CCDC171: variants seen among roughly 807,000 people sequenced by gnomAD.
CCDC171 encodes the protein coiled-coil domain-containing protein 171.
Under a neutral mutation model 168.2 loss-of-function variants are expected in CCDC171, and 177 were observed. That is an observed-to-expected ratio of 1.05 (90% CI 0.93 to 1.19). The LOEUF (loss-of-function observed/expected upper bound fraction) is 1.19, where lower values mean the gene tolerates loss of function less well. CCDC171 is among the 50% of genes most tolerant of loss of function. The pLI, the probability that CCDC171 is intolerant of heterozygous loss-of-function variation, is 0.00. For missense variants in CCDC171, 1,991 were observed against 1,539.0 expected (o/e 1.29, Z -4.91); for synonymous variants, 687 against 540.8 (o/e 1.27, Z -3.75).
At chr9:15,732,359 G>A (rs1266656544) in intron 16 of CCDC171, among the ~76,000 whole-genome samples, 1 of 152,064 alleles carries the variant, frequency 6.6e-6, no homozygotes, top group East Asian at 1.9e-4. Context: ...TTTTGTGTGT[G>A]CTGTTAGGAA....
chr9:15,573,318 C>G (rs1280749419), intron 3 of CCDC171, among the ~76,000 whole-genome samples: 4 of 152,030 alleles, frequency 2.6e-5, no homozygotes, highest in African/African-American at 9.7e-5. Context: ...CTCTGTCACC[C>G]AGGCTGGAGT....
chr9:15,872,003 C>T (rs905625979), intron 23 of CCDC171, among the ~76,000 whole-genome samples: 1 of 151,266 alleles, frequency 6.6e-6, no homozygotes, highest in Non-Finnish European at 1.5e-5. Flanking sequence ...TACTTACTCT[C>T]AAAGTTCTCG....
At chr9:15,992,398 T>C (rs979281596) in intron 3 of CCDC171, among the ~76,000 whole-genome samples, 5 of 152,210 alleles carry the variant, frequency 3.3e-5, no homozygotes, top group Non-Finnish European at 7.3e-5. Flanking sequence ...CAACAGCTCT[T>C]CATGCTAAAA....
At chr9:16,092,323 G>A in the CCDC171 span, among the ~76,000 whole-genome samples, 2 of 152,174 alleles carry the variant, frequency 1.3e-5, no homozygotes, top group African/African-American at 2.4e-5. Flanking sequence ...AAGCTTGTTC[G>A]AAATGCAGAT....
In CCDC171 at chr9:16,056,842, C is replaced by A. The variant is rs182582144; in HGVS notation, n.90-3804C>A. On this transcript the variant is annotated intron_variant and non_coding_transcript_variant, in intron 1 of 1. Coordinates refer to the CCDC171 transcript ENST00000478913. The stretch of plus-strand genomic sequence containing the variant: ...TAATATAAGAGAAGATGAATTATAT[C>A]TCATTAAAGCTGTTAAAGCAATATA... 7.5e-4 allele frequency among the ~76,000 whole-genome samples: 114 copies of A among 152,172 alleles called. 1 individual carries two copies. The highest frequency in any genetic ancestry group is 2.7e-3 in the African/African-American group (110 of 41,488).
chr9:15,688,395 C>G (rs1048829910), intron 10 of CCDC171, among the ~76,000 whole-genome samples: 4 of 151,986 alleles, frequency 2.6e-5, no homozygotes, highest in Admixed American at 6.6e-5. Flanking sequence ...TACCTTGATA[C>G]AAAAACCAAA....
chr9:15,941,153 A>G (rs767295576), intron 25 of CCDC171, among the ~76,000 whole-genome samples: 30 of 152,132 alleles, frequency 2.0e-4, no homozygotes, highest in Admixed American at 3.9e-4. Flanking sequence ...GATTCAGATC[A>G]TTAACAACAG....
At chr9:16,027,489 T>C (rs1435746370) in intron 6 of CCDC171, among the ~76,000 whole-genome samples, 1 of 152,308 alleles carries the variant, frequency 6.6e-6, no homozygotes, top group Admixed American at 6.5e-5. Context: ...ATTCACCTGA[T>C]GCAAACTTTT....
chr9:15,853,181 A>G (rs1470764156), intron 23 of CCDC171, among the ~76,000 whole-genome samples: 2 of 151,610 alleles, frequency 1.3e-5, no homozygotes, highest in South Asian at 4.1e-4. Context: ...TGTCATCTTA[A>G]CAAAATATTA....
chr9:15,662,218 A>G (rs184836530), intron 8 of CCDC171, among the ~76,000 whole-genome samples: 59 of 152,282 alleles, frequency 3.9e-4, no homozygotes, highest in African/African-American at 1.4e-3. Context: ...TGGAAGTTGC[A>G]GTGAGCCGAG....
intron 18 of CCDC171, among the ~76,000 whole-genome samples, chr9:15,765,583 A>G (rs559962758): frequency 3.7e-4 from 57 of 152,296 alleles, no homozygotes; most frequent in African/African-American, 1.0e-3. Flanking sequence ...TCTGCTTGCT[A>G]CTATTTAGTG....
Position 15,729,756 on chromosome 9 carries a change from G to A in CCDC171, c.2007G>A (p.Leu669=), listed in dbSNP as rs1465604427. ...ACAGACAAAAGAAGGAACTAGAGCT[G>A]CAGTATTCTGAACTCTTCCTGGAGG... ...CWHRQKKELE[L]QYSELFLEVQ... is the part of the protein sequence containing the mutation. The change falls in exon 16 of 26, where the codon CTG becomes CTA. Residue 669 remains leucine (L), a synonymous_variant. Coordinates refer to ENST00000380701, the MANE Select transcript of CCDC171 (RefSeq NM_173550.4). 6 of 1,612,840 alleles carry A rather than the reference G, an allele frequency of 3.7e-6. No individual in the cohort carries two copies. The African/African-American group carries it at 6.7e-5, about 18-fold the overall frequency.
At chr9:15,848,787 G>A (rs962404033) in intron 22 of CCDC171, 106 bp from the exon 23 acceptor site, 9 of 548,642 alleles carry the variant, frequency 1.6e-5, no homozygotes, top group Middle Eastern at 9.4e-4. Context: ...AAGGAGAACA[G>A]TGATATCAGA....
chr9:16,001,780 T>C lies in CCDC171; in HGVS notation n.369-18809T>C, dbSNP rs551156621. Among the ~76,000 whole-genome samples the C allele has an allele frequency of 1.5e-4, 23 of 152,158 alleles. No individual in the cohort carries two copies. In the South Asian group the frequency reaches 4.8e-3, roughly 32 times the overall value. ...AGAAAAGTCTGGCACTAAAATTATG[T>C]ATACTACATAATACTTGGTAATAAA... On this transcript the variant is annotated intron_variant and non_coding_transcript_variant, in intron 3 of 9. Transcript: ENST00000486641.
chr9:15,920,394 G>A lies in CCDC171; in HGVS notation c.3725G>A (p.Cys1242Tyr). The A allele has an allele frequency of 2.5e-6, 4 of 1,607,142 alleles. No individual in the cohort carries two copies. In the South Asian group the frequency reaches 4.4e-5, roughly 18 times the overall value. The change falls in exon 25 of 26, where the codon TGT (cysteine) becomes TAT (tyrosine). Residue 1242 changes from cysteine (C) to tyrosine (Y), a missense_variant. Physicochemically the swap from Cys to Tyr is radical, Grantham distance 194 (BLOSUM62 -2). Transcript: ENST00000380701. ...AALKSELHTA[C>Y]LRENASLQSI... is the part of the protein sequence containing the mutation. ...TTGAAATCAGAACTTCACACAGCTTGTTTACGTGAAAATGCAAGTTTACAA... is the reference window on the plus strand; with the variant it reads ...TTGAAATCAGAACTTCACACAGCTTATTTACGTGAAAATGCAAGTTTACAA...
chr9:15,723,975 A>T (rs1273237587), intron 13 of CCDC171, among the ~76,000 whole-genome samples: 1 of 152,188 alleles, frequency 6.6e-6, no homozygotes, highest in African/African-American at 2.4e-5. Context: ...AGGAAAATTT[A>T]TTTCCCAGAT....
At chr9:15,966,565 T>C (rs189193161) in intron 25 of CCDC171, among the ~76,000 whole-genome samples, 1 of 152,308 alleles carries the variant, frequency 6.6e-6, no homozygotes, top group East Asian at 1.9e-4. Context: ...TGTTGTGATG[T>C]GATTCAGGTT....
intron 18 of CCDC171, among the ~76,000 whole-genome samples, chr9:15,772,968 CATTATT>C (rs2057091509): frequency 6.6e-6 from 1 of 151,904 alleles, no homozygotes; most frequent in African/African-American, 2.4e-5. Context: ...TAACAATACT[CATTATT>C]AATATTATTA....
intron 3 of CCDC171, among the ~76,000 whole-genome samples, chr9:16,020,068 G>A (rs182423552): frequency 8.3e-4 from 126 of 152,270 alleles, no homozygotes; most frequent in Admixed American, 2.9e-3. Flanking sequence ...TCTACTGGCT[G>A]AGCATCCTTA....
Sources: allele counts gnomAD v4.1 joint callset (sites outside exome capture counted in the v4.1 genomes callset), GRCh38; gene constraint gnomAD v4.1.1; transcripts MANE v1.5; gene names NCBI Gene and HGNC (gene_info 2026-07-23, HGNC 2026-07-21).